Variants in CLOCK observed in about 807,000 individuals in gnomAD.
CLOCK encodes the protein circadian locomoter output cycles protein kaput.
CLOCK carries 43 observed loss-of-function variants against 118.4 expected under a neutral mutation model. That is an observed-to-expected ratio of 0.36 (90% CI 0.28 to 0.47). CLOCK has a LOEUF of 0.47. Among genes scored for constraint, CLOCK ranks in the 20% least tolerant of loss-of-function variants. The pLI, the probability that CLOCK is intolerant of heterozygous loss-of-function variation, is 1.00. For synonymous variants in CLOCK, 326 were observed against 339.2 expected, an observed-to-expected ratio of 0.96 and a Z score of 0.43; for missense variants, 846 against 999.9, an observed-to-expected ratio of 0.85 and a Z score of 2.08.
intron 2 of CLOCK, among the ~76,000 whole-genome samples, chr4:55,508,258 A>G (rs992011675): frequency 6.6e-6 from 1 of 152,232 alleles, no homozygotes; most frequent in Non-Finnish European, 1.5e-5. Context: ...AAGGTATTAT[A>G]GTAACATTAA....
chr4:55,532,351 C>G (rs1330223394), intron 1 of CLOCK, among the ~76,000 whole-genome samples: 1 of 151,950 alleles, frequency 6.6e-6, no homozygotes, highest in Non-Finnish European at 1.5e-5. Context: ...ATAGAAGGCA[C>G]TCAAATAAGA....
intron 9 of CLOCK, among the ~76,000 whole-genome samples, chr4:55,459,489 C>A (rs1393360087): frequency 2.6e-5 from 4 of 152,120 alleles, no homozygotes; most frequent in Non-Finnish European, 5.9e-5. Context: ...TTAATGTTTC[C>A]CTATTTTTAG....
chr4:55,465,266 A>C (rs1725658595), intron 8 of CLOCK, among the ~76,000 whole-genome samples: 1 of 152,224 alleles, frequency 6.6e-6, no homozygotes, highest in Non-Finnish European at 1.5e-5. Flanking sequence ...AATGTATGTA[A>C]ATGGGAAGAT....
intron 1 of CLOCK, among the ~76,000 whole-genome samples, chr4:55,530,865 T>C (rs1396321005): frequency 2.9e-5 from 4 of 137,684 alleles, no homozygotes; most frequent in Non-Finnish European, 6.2e-5. Context: ...AAACAGTAAA[T>C]CTAACCAGAA....
chr4:55,440,801 C>G (rs571669203), intron 21 of CLOCK, among the ~76,000 whole-genome samples: 143 of 152,246 alleles, frequency 9.4e-4, no homozygotes, highest in Non-Finnish European at 1.5e-3. Flanking sequence ...GCTTTGTATA[C>G]TCTGGGCTCC....
chr4:55,430,934 T>C lies in CLOCK; in HGVS notation c.*4481A>G, dbSNP rs1722457791. ...ATTCAAAACAAAAATCAAAGTTCATTTGGCTATCTTGAAATCACTCCCATA... is the reference window on the plus strand; with the variant it reads ...ATTCAAAACAAAAATCAAAGTTCATCTGGCTATCTTGAAATCACTCCCATA... On this transcript the variant is annotated 3_prime_UTR_variant, in exon 23 of 23. Coordinates refer to ENST00000513440, the MANE Select transcript of CLOCK (RefSeq NM_004898.4). 1 of 152,182 alleles carries C rather than the reference T, an allele frequency of 6.6e-6. No homozygotes were observed. Among genetic ancestry groups the C allele is most frequent in the Non-Finnish European group, 1.5e-5 (1 of 68,032 alleles). The allele number at this position is 152,182 out of a possible 1,614,324, so 9.4% of individuals were successfully genotyped here. A position where few individuals can be genotyped will look rare whatever the true frequency, so the allele number is the denominator to read the frequency against.
intron 1 of CLOCK, chr4:55,545,878 A>C (rs888337037): frequency 8.5e-5 from 13 of 152,282 alleles, no homozygotes; most frequent in African/African-American, 2.7e-4. Flanking sequence ...GAAGAAGAGA[A>C]ACCGAGCGCC....
chr4:55,542,991 C>G (rs537532497), intron 1 of CLOCK, among the ~76,000 whole-genome samples: 125 of 152,264 alleles, frequency 8.2e-4, no homozygotes, highest in African/African-American at 2.9e-3. Flanking sequence ...CACTCTGTCA[C>G]CAAGGCTGAA....
chr4:55,499,658 A>G (rs1406606213), intron 2 of CLOCK, among the ~76,000 whole-genome samples: 2 of 152,232 alleles, frequency 1.3e-5, no homozygotes, highest in African/African-American at 2.4e-5. Flanking sequence ...AACAGGCCAC[A>G]GTACCAATCG....
Position 55,470,701 on chromosome 4 carries a change from G to T in CLOCK, c.438+16C>A. 6.6e-7 allele frequency: 1 copy of T among 1,512,066 alleles called. No homozygotes were observed. Among genetic ancestry groups the T allele is most frequent in the Non-Finnish European group, 9.2e-7 (1 of 1,088,288 alleles). 93.7% of individuals were successfully genotyped at this position (1,512,066 alleles called of 1,614,324 possible). A position where few individuals can be genotyped will look rare whatever the true frequency, so the allele number is the denominator to read the frequency against. On this transcript the variant is annotated intron_variant, in intron 8 of 22. Transcript: ENST00000513440. ...GCATTTTAATACGAAGTAGATTGTAGGATCTTTATACTTACTGGTAAATGT... is the reference window on the plus strand; with the variant it reads ...GCATTTTAATACGAAGTAGATTGTATGATCTTTATACTTACTGGTAAATGT...
At chr4:55,536,335 G>A (rs182359851) in intron 1 of CLOCK, among the ~76,000 whole-genome samples, 3 of 152,292 alleles carry the variant, frequency 2.0e-5, no homozygotes, top group African/African-American at 7.2e-5. Context: ...TGGGTTGGAT[G>A]CTTGTCCCCT....
intron 1 of CLOCK, among the ~76,000 whole-genome samples, chr4:55,520,090 G>C (rs1019493519): frequency 2.0e-5 from 3 of 152,180 alleles, no homozygotes; most frequent in African/African-American, 7.2e-5. Flanking sequence ...TTTTAGCATA[G>C]TCTCCCTGAA....
chr4:55,451,039 T>TAA (rs929713996), intron 15 of CLOCK, among the ~76,000 whole-genome samples: 7 of 142,656 alleles, frequency 4.9e-5, no homozygotes, highest in African/African-American at 1.8e-4. Flanking sequence ...TCTCTCAACT[T>TAA]AAAAAAAAAA....
chr4:55,444,855 G>T, intron 18 of CLOCK, 70 bp from the exon 19 acceptor site: 1 of 1,486,422 alleles, frequency 6.7e-7, no homozygotes, highest in Non-Finnish European at 9.2e-7. Context: ...TGCACAACAT[G>T]AAAAGTAAGC....
intron 8 of CLOCK, among the ~76,000 whole-genome samples, chr4:55,464,369 G>A (rs374567349): frequency 3.9e-5 from 6 of 152,156 alleles, no homozygotes; most frequent in African/African-American, 1.4e-4. Flanking sequence ...AGCTTTAATC[G>A]TGATTAATCA....
chr4:55,528,623 G>C (rs2110081424), intron 1 of CLOCK, among the ~76,000 whole-genome samples: 1 of 152,264 alleles, frequency 6.6e-6, no homozygotes, highest in East Asian at 1.9e-4. Context: ...GCAGACCCAA[G>C]TGTGTTAAGT....
chr4:55,509,656 C>CT (rs1470906102), intron 2 of CLOCK, among the ~76,000 whole-genome samples: 1 of 152,198 alleles, frequency 6.6e-6, no homozygotes, highest in Admixed American at 6.5e-5. Context: ...AGTTATGACT[C>CT]TTACTTTTGA....
At position 55,479,686 on chromosome 4, in the gene CLOCK, T is replaced by C; in HGVS notation, c.61A>G (p.Ile21Val). 3 of 1,612,878 alleles carry C rather than the reference T, an allele frequency of 1.9e-6. No homozygotes were observed. The highest frequency in any genetic ancestry group is 2.5e-6 in the Non-Finnish European group (3 of 1,179,220). ...SSIVDRDDSS[I>V]FDGLVEEDDK... ...TCTTCTTCCACCAACCCATCAAAAATACTACTGTCATCTCTAAAAGAAAGC... is the reference window on the plus strand; with the variant it reads ...TCTTCTTCCACCAACCCATCAAAAACACTACTGTCATCTCTAAAAGAAAGC... Residue 21 changes from isoleucine to valine, a missense_variant, in exon 5 of 23, where the codon ATT becomes GTT. By Grantham distance (29) the Ile-to-Val change is conservative. Around this residue, in one of 4 missense-constraint regions of CLOCK, gnomAD observed 246 missense variants for 300.2 expected, o/e 0.82. Coordinates refer to ENST00000513440, the MANE Select transcript of CLOCK (RefSeq NM_004898.4).
chr4:55,460,688 A>G (rs1169060509), intron 9 of CLOCK, among the ~76,000 whole-genome samples: 1 of 152,142 alleles, frequency 6.6e-6, no homozygotes, highest in Non-Finnish European at 1.5e-5. Context: ...TAGACTTGTA[A>G]TTACTTTCAT....
Sources: gnomAD v4.1 joint callset for allele counts (sites outside exome capture counted in the v4.1 genomes callset) on GRCh38, gnomAD v4.1.1 for gene constraint, gnomAD v4.1.1 regional missense constraint, MANE v1.5 for transcripts, NCBI Gene and HGNC (gene_info 2026-07-23, HGNC 2026-07-21) for gene names.